Variants in LMBR1 observed in about 807,000 individuals in gnomAD.
The protein encoded by LMBR1 is limb region 1 protein homolog.
In LMBR1, 52 loss-of-function variants were observed where a neutral mutation model predicts 73.9. The observed-to-expected ratio is 0.70, with a 90% confidence interval of 0.56 to 0.89. LMBR1 has a LOEUF of 0.89. Among genes scored for constraint, LMBR1 ranks in the 40% least tolerant of loss-of-function variants. LMBR1 has a pLI of 0.00. For synonymous variants in LMBR1, 215 were observed against 209.4 expected (o/e 1.03, Z -0.23); for missense variants, 539 against 579.8 (o/e 0.93, Z 0.72).
rs1016786830 is a variant in LMBR1, at chr7:156,706,920, A to C, written c.1225+17192T>G. On this transcript the variant is annotated intron_variant, in intron 15 of 16. Transcript: ENST00000353442. ...AAAACAATAAAATAAAAACCAAAAA[A>C]CAGTACAAAGGATCAGGAAAATGAA... is the stretch of plus-strand genomic sequence containing the variant. 4.6e-5 allele frequency among the ~76,000 whole-genome samples: 7 copies of C among 152,032 alleles called. No individual in the cohort carries two copies. In the South Asian group the frequency reaches 1.5e-3, roughly 32 times the overall value.
intron 15 of LMBR1, among the ~76,000 whole-genome samples, chr7:156,714,889 G>A (rs904463102): frequency 1.3e-5 from 2 of 152,002 alleles, no homozygotes; most frequent in African/African-American, 2.4e-5. Context: ...CCAAGGAAAC[G>A]GAGAAGAGGA....
intron 1 of LMBR1, among the ~76,000 whole-genome samples, chr7:156,890,055 A>G (rs533861295): frequency 6.6e-6 from 1 of 152,280 alleles, no homozygotes; most frequent in Admixed American, 6.5e-5. Context: ...AAAACCACAT[A>G]AAGTCCAAAA....
intron 1 of LMBR1, among the ~76,000 whole-genome samples, chr7:156,851,506 T>C (rs1469846813): frequency 6.6e-6 from 1 of 152,178 alleles, no homozygotes; most frequent in East Asian, 1.9e-4. Context: ...TGCTGTGAAA[T>C]ATTTTAGGCC....
At chr7:156,857,434 C>G (rs1384631359) in intron 1 of LMBR1, among the ~76,000 whole-genome samples, 4 of 152,028 alleles carry the variant, frequency 2.6e-5, no homozygotes, top group Non-Finnish European at 5.9e-5. Context: ...GAAGAACTAA[C>G]AAAATGTCAA....
At chr7:156,809,228 T>C (rs1832675285) in intron 4 of LMBR1, among the ~76,000 whole-genome samples, 1 of 152,250 alleles carries the variant, frequency 6.6e-6, no homozygotes, top group South Asian at 2.1e-4. Context: ...CATTTTTTAA[T>C]GTACAGCTCT....
intron 1 of LMBR1, among the ~76,000 whole-genome samples, chr7:156,886,480 A>C (rs770932316): frequency 6.6e-6 from 1 of 152,262 alleles, no homozygotes; most frequent in Non-Finnish European, 1.5e-5. Context: ...ATGGCGAAGC[A>C]GGGACATGAA....
chr7:156,859,072 A>G (rs1263919932), intron 1 of LMBR1, among the ~76,000 whole-genome samples: 1 of 152,054 alleles, frequency 6.6e-6, no homozygotes, highest in Non-Finnish European at 1.5e-5. Flanking sequence ...TGATCAACAT[A>G]AAGAAACTCT....
chr7:156,804,484 C>T (rs996939214), intron 4 of LMBR1, among the ~76,000 whole-genome samples: 19 of 152,320 alleles, frequency 1.2e-4, no homozygotes, highest in African/African-American at 4.6e-4. Context: ...ATTTTACAGT[C>T]TCTCACCAGC....
At chr7:156,774,886 C>T (rs908479539) in intron 5 of LMBR1, among the ~76,000 whole-genome samples, 3 of 152,058 alleles carry the variant, frequency 2.0e-5, no homozygotes, top group Admixed American at 1.3e-4. Flanking sequence ...GAGCTGGAGG[C>T]CATTGTCCTA....
At chr7:156,718,453 G>A (rs376732598) in intron 15 of LMBR1, among the ~76,000 whole-genome samples, 13 of 151,786 alleles carry the variant, frequency 8.6e-5, no homozygotes, top group Non-Finnish European at 1.5e-4. Flanking sequence ...GGACAGGCAC[G>A]TGGCTCCCGC....
chr7:156,708,963 C>T (rs1811540551), intron 15 of LMBR1, among the ~76,000 whole-genome samples: 1 of 152,094 alleles, frequency 6.6e-6, no homozygotes. Context: ...GGAACAAAAC[C>T]CCATTGGCCT....
At chr7:156,868,197 T>C (rs77022481) in intron 1 of LMBR1, among the ~76,000 whole-genome samples, 3 of 138,742 alleles carry the variant, frequency 2.2e-5, no homozygotes, top group Non-Finnish European at 4.9e-5. Flanking sequence ...GAGATTTTCT[T>C]TTTTTTTTTT....
At chr7:156,703,393 G>A (rs1158670715) in intron 15 of LMBR1, among the ~76,000 whole-genome samples, 3 of 152,198 alleles carry the variant, frequency 2.0e-5, no homozygotes, top group Non-Finnish European at 4.4e-5. Flanking sequence ...TCAGCAGGAG[G>A]AGAGTTGCCT....
rs541617666 is a variant in LMBR1 at position 156,835,213 on chromosome 7, C to T, written c.140-1421G>A. 1.4e-4 allele frequency among the ~76,000 whole-genome samples: 22 copies of T among 152,262 alleles called. No homozygotes were observed. The East Asian group carries it at 4.1e-3, about 28-fold the overall frequency. ...TAAATGCCTAATGTCCTCCAAGACTCTCTGCTCAGGTCTCTGGAATTCTGA... is the reference window on the plus strand; with the variant it reads ...TAAATGCCTAATGTCCTCCAAGACTTTCTGCTCAGGTCTCTGGAATTCTGA... On this transcript the variant is annotated intron_variant, in intron 2 of 16. Coordinates refer to ENST00000353442, the MANE Select transcript of LMBR1 (RefSeq NM_022458.4).
At chr7:156,843,939 T>C (rs779448549) in intron 1 of LMBR1, among the ~76,000 whole-genome samples, 58 of 151,812 alleles carry the variant, frequency 3.8e-4, no homozygotes, top group Non-Finnish European at 7.1e-4. Flanking sequence ...CCAAAATGCA[T>C]TGGATAAGAC....
At chr7:156,710,074 T>C (rs1811765657) in intron 15 of LMBR1, among the ~76,000 whole-genome samples, 1 of 151,742 alleles carries the variant, frequency 6.6e-6, no homozygotes, top group African/African-American at 2.4e-5. Context: ...CCGGCTAATT[T>C]TGTGTATTTT....
intron 4 of LMBR1, among the ~76,000 whole-genome samples, chr7:156,671,320 CGCGAACAGTGTGTGT>C (rs1376462603): frequency 1.3e-5 from 2 of 152,096 alleles, no homozygotes; most frequent in Non-Finnish European, 2.9e-5. Context: ...TGCCTGAAAA[CGCGAACAGTGTGTGT>C]GTGAGTGTGG....
In LMBR1 at chr7:156,749,180, T is replaced by C. The variant is rs143931766; in HGVS notation, c.757+7213A>G. Among the ~76,000 whole-genome samples the C allele has an allele frequency of 9.4e-4, 143 of 152,336 alleles. No homozygotes were observed. In the East Asian group the frequency reaches 0.024, roughly 25 times the overall value. On this transcript the variant is annotated intron_variant, in intron 9 of 16. Transcript: ENST00000353442. ...GACGTAACTAACAGCAAATAGTATTTGTAGGATTGTCATTGCCAGAACCTA... is the reference window on the plus strand; with the variant it reads ...GACGTAACTAACAGCAAATAGTATTCGTAGGATTGTCATTGCCAGAACCTA...
At position 156,680,065 on chromosome 7, in the gene LMBR1, T is replaced by C. The variant is rs1335803257; in HGVS notation, c.*4013A>G. ...TCTCCTGATATTACATTTTCTACAG[T>C]GCAACAAGTAATTTGCGTACACAGT... On this transcript the variant is annotated 3_prime_UTR_variant, in exon 17 of 17. Coordinates refer to ENST00000353442, the MANE Select transcript of LMBR1 (RefSeq NM_022458.4). The C allele has an allele frequency of 6.6e-6, 1 of 152,008 alleles. No homozygotes were observed. Among genetic ancestry groups the C allele is most frequent in the Non-Finnish European group, 1.5e-5 (1 of 68,018 alleles). The allele number at this position is 152,008 out of a possible 1,614,324, so 9.4% of individuals were successfully genotyped here.
Sources: gnomAD v4.1 joint callset for allele counts (sites outside exome capture counted in the v4.1 genomes callset) on GRCh38, gnomAD v4.1.1 for gene constraint, MANE v1.5 for transcripts, NCBI Gene and HGNC (gene_info 2026-07-23, HGNC 2026-07-21) for gene names.